Variants in CHST11 observed in about 807,000 individuals in gnomAD.
The protein encoded by CHST11 is carbohydrate sulfotransferase 11, also known as C4S-1.
In CHST11, 9 loss-of-function variants were observed where a neutral mutation model predicts 30.4. The observed-to-expected ratio is 0.30, with a 90% CI of 0.18 to 0.52. CHST11 has a LOEUF of 0.52. CHST11 is among the 20% of genes least tolerant of loss of function. CHST11 has a pLI of 0.97. For missense variants in CHST11, 348 were observed against 460.6 expected (o/e 0.76, Z 2.24); for synonymous variants, 152 against 187.8 (o/e 0.81, Z 1.56).
intron 1 of CHST11, among the ~76,000 whole-genome samples, chr12:104,477,067 C>A (rs572576069): frequency 1.3e-5 from 2 of 152,220 alleles, no homozygotes; most frequent in East Asian, 3.9e-4. Flanking sequence ...TAGGGGGATT[C>A]ATGAATGGAC....
At chr12:104,682,124 C>T (rs942953511) in intron 2 of CHST11, among the ~76,000 whole-genome samples, 4 of 152,076 alleles carry the variant, frequency 2.6e-5, no homozygotes, top group African/African-American at 4.8e-5. Context: ...TGAGCCACCG[C>T]GCCTGGCCTG....
At chr12:104,533,633 C>T (rs549953320) in intron 1 of CHST11, among the ~76,000 whole-genome samples, 7 of 152,310 alleles carry the variant, frequency 4.6e-5, no homozygotes, top group African/African-American at 1.7e-4. Flanking sequence ...TGGAAGGATT[C>T]TCCGCGTGAT....
At chr12:104,595,223 T>G (rs568729936) in intron 1 of CHST11, among the ~76,000 whole-genome samples, 1 of 152,210 alleles carries the variant, frequency 6.6e-6, no homozygotes, top group East Asian at 1.9e-4. Flanking sequence ...TAAGGTTTTT[T>G]TTGGAGGGGA....
chr12:104,711,495 G>A (rs1015330483), intron 2 of CHST11, among the ~76,000 whole-genome samples: 7 of 151,972 alleles, frequency 4.6e-5, no homozygotes, highest in Non-Finnish European at 7.4e-5. Flanking sequence ...CCTTAATGGC[G>A]ATTTCCCAAT....
At position 104,543,714 on chromosome 12, in the gene CHST11, T is replaced by C. The variant is rs116228152; in HGVS notation, c.119-58192T>C. 2.6e-3 allele frequency among the ~76,000 whole-genome samples: 394 copies of C among 152,290 alleles called. 1 individual carries two copies. The highest frequency in any genetic ancestry group is 8.9e-3 in the African/African-American group (369 of 41,552). ...CAGTCACTGAAGTCACTGTATACTT[T>C]TTTTCACCTCTTCCTGCCTCTTCCC... is the stretch of plus-strand genomic sequence containing the variant. On this transcript the variant is annotated intron_variant, in intron 1 of 2. Coordinates refer to ENST00000303694, the MANE Select transcript of CHST11 (RefSeq NM_018413.6).
chr12:104,700,729 G>T (rs1284623965), intron 2 of CHST11, among the ~76,000 whole-genome samples: 1 of 152,190 alleles, frequency 6.6e-6, no homozygotes, highest in Non-Finnish European at 1.5e-5. Flanking sequence ...GGTATTATTG[G>T]ATATCACCCA....
At chr12:104,523,234 G>A (rs557656060) in intron 1 of CHST11, among the ~76,000 whole-genome samples, 1 of 152,290 alleles carries the variant, frequency 6.6e-6, no homozygotes, top group East Asian at 1.9e-4. Flanking sequence ...AGATGTGTGG[G>A]TGGGGTTTCT....
At chr12:104,639,795 G>A (rs114067261) in intron 2 of CHST11, among the ~76,000 whole-genome samples, 2,408 of 152,186 alleles carry the variant, frequency 0.016, 58 homozygotes, top group African/African-American at 0.054. Context: ...GTTGGAGGTC[G>A]GTGGTCTCAA....
At chr12:104,496,988 T>A (rs1466676725) in intron 1 of CHST11, among the ~76,000 whole-genome samples, 1 of 152,198 alleles carries the variant, frequency 6.6e-6, no homozygotes, top group Admixed American at 6.5e-5. Flanking sequence ...AGTGTGGTAC[T>A]TGCTACTCTC....
chr12:104,597,472 C>A (rs548693620), intron 1 of CHST11, among the ~76,000 whole-genome samples: 3 of 151,646 alleles, frequency 2.0e-5, no homozygotes, highest in Non-Finnish European at 2.9e-5. Flanking sequence ...TTTCATTTTT[C>A]AAAGGAAAAA....
intron 2 of CHST11, among the ~76,000 whole-genome samples, chr12:104,629,505 C>G (rs1566014851): frequency 6.6e-6 from 1 of 152,208 alleles, no homozygotes; most frequent in South Asian, 2.1e-4. Flanking sequence ...CTTCATAATT[C>G]TAAGTTGAAA....
At chr12:104,561,894 G>A (rs1472601988) in intron 1 of CHST11, among the ~76,000 whole-genome samples, 1 of 151,414 alleles carries the variant, frequency 6.6e-6, no homozygotes, top group Non-Finnish European at 1.5e-5. Context: ...GGATTCAAGC[G>A]ATTCTCCTGC....
At chr12:104,668,259 A>G (rs565722287) in intron 2 of CHST11, among the ~76,000 whole-genome samples, 1 of 152,350 alleles carries the variant, frequency 6.6e-6, no homozygotes, top group South Asian at 2.1e-4. Context: ...TGCCTGCCAC[A>G]AAGGAAGCCC....
chr12:104,546,040 A>G (rs1190119096), intron 1 of CHST11, among the ~76,000 whole-genome samples: 1 of 152,052 alleles, frequency 6.6e-6, no homozygotes, highest in Non-Finnish European at 1.5e-5. Context: ...CACAGGCTCC[A>G]CCTTCTAATA....
At chr12:104,665,321 T>G (rs2039631881) in intron 2 of CHST11, among the ~76,000 whole-genome samples, 1 of 152,168 alleles carries the variant, frequency 6.6e-6, no homozygotes. Context: ...AAACAGAACT[T>G]TGGGAGGAGC....
intron 2 of CHST11, among the ~76,000 whole-genome samples, chr12:104,680,657 T>G (rs1023186991): frequency 1.3e-5 from 2 of 152,234 alleles, no homozygotes; most frequent in Non-Finnish European, 2.9e-5. Flanking sequence ...GGAAATGCTG[T>G]GCACTCAGTA....
intron 2 of CHST11, among the ~76,000 whole-genome samples, chr12:104,710,278 G>C (rs2040075493): frequency 6.6e-6 from 1 of 152,220 alleles, no homozygotes. Context: ...CAGCGAGGAG[G>C]GAGGGAGAAA....
intron 2 of CHST11, among the ~76,000 whole-genome samples, chr12:104,659,333 A>G (rs1333688151): frequency 6.6e-6 from 1 of 152,220 alleles, no homozygotes; most frequent in African/African-American, 2.4e-5. Flanking sequence ...GGGCTGGCAC[A>G]TGATAATTGC....
intron 2 of CHST11, among the ~76,000 whole-genome samples, chr12:104,694,330 T>C (rs956508791): frequency 2.6e-5 from 4 of 152,214 alleles, no homozygotes; most frequent in African/African-American, 9.6e-5. Context: ...ATGTGGGTAA[T>C]AGCACTGCTT....
Sources: allele counts gnomAD v4.1 joint callset (sites outside exome capture counted in the v4.1 genomes callset), GRCh38; gene constraint gnomAD v4.1.1; transcripts MANE v1.5; gene names NCBI Gene and HGNC (gene_info 2026-07-23, HGNC 2026-07-21).